The following FHIT variants were observed in gnomAD, a reference collection of about 807,000 sequenced individuals.
FHIT encodes fragile histidine triad diadenosine triphosphatase.
A neutral mutation model predicts 17.9 loss-of-function variants in FHIT; 19 were observed. That is an observed-to-expected ratio of 1.06 (90% CI 0.74 to 1.56). The LOEUF (loss-of-function observed/expected upper bound fraction) is 1.56, where lower values mean the gene tolerates loss of function less well. Ranked by LOEUF, FHIT falls within the 40% of genes most tolerant of loss-of-function variation. FHIT has a pLI of 0.00. For synonymous variants in FHIT, 81 were observed against 69.7 expected (o/e 1.16, Z -0.81); for missense variants, 248 against 189.2 (o/e 1.31, Z -1.82).
chr3:60,226,493 A>AAAAAAAAAGAAAAC (rs200934161), intron 5 of FHIT, among the ~76,000 whole-genome samples: 1 of 147,058 alleles, frequency 6.8e-6, no homozygotes, highest in African/African-American at 2.7e-5. Flanking sequence ...AAAAAAAAAA[A>AAAAAAAAAGAAAAC]ACACTGCCTG....
chr3:60,311,761 A>G (rs1708957896), intron 5 of FHIT, among the ~76,000 whole-genome samples: 1 of 152,196 alleles, frequency 6.6e-6, no homozygotes, highest in Non-Finnish European at 1.5e-5. Flanking sequence ...GGCCCTCTCA[A>G]TAAAATGACA....
At chr3:60,581,319 T>C (rs782188318) in intron 4 of FHIT, among the ~76,000 whole-genome samples, 4 of 152,122 alleles carry the variant, frequency 2.6e-5, no homozygotes, top group African/African-American at 9.7e-5. Flanking sequence ...ACAAGTAGTC[T>C]AGATGAGAGA....
intron 5 of FHIT, among the ~76,000 whole-genome samples, chr3:60,222,467 G>A (rs1704006021): frequency 6.6e-6 from 1 of 152,064 alleles, no homozygotes; most frequent in South Asian, 2.1e-4. Context: ...TTAGGTTGGT[G>A]CAAAATTAAT....
intron 9 of FHIT, chr3:59,750,674 A>G (rs1176661879): frequency 4.6e-6 from 1 of 219,494 alleles, no homozygotes; most frequent in African/African-American, 2.3e-5. Flanking sequence ...TCTGAGTACA[A>G]CACCATATTT....
intron 3 of FHIT, among the ~76,000 whole-genome samples, chr3:60,837,631 C>T (rs1453644222): frequency 6.6e-6 from 1 of 152,058 alleles, no homozygotes; most frequent in African/African-American, 2.4e-5. Context: ...TTAGAATTTA[C>T]ACTGCCATTT....
intron 6 of FHIT, among the ~76,000 whole-genome samples, chr3:60,012,658 T>C (rs1237443727): frequency 6.6e-6 from 1 of 152,138 alleles, no homozygotes; most frequent in Non-Finnish European, 1.5e-5. Flanking sequence ...TTTATCAATA[T>C]AGGCATATGC....
At chr3:60,752,953 A>G (rs2042499459) in intron 4 of FHIT, among the ~76,000 whole-genome samples, 2 of 152,202 alleles carry the variant, frequency 1.3e-5, no homozygotes, top group East Asian at 1.9e-4. Context: ...TCCCAATTAC[A>G]TTACTTTCGA....
intron 2 of FHIT, among the ~76,000 whole-genome samples, chr3:61,098,159 CTGCATA>C (rs2035701881): frequency 6.6e-6 from 1 of 152,192 alleles, no homozygotes; most frequent in Non-Finnish European, 1.5e-5. Flanking sequence ...TTTTAATCTT[CTGCATA>C]TGGCTAGCAG....
intron 5 of FHIT, among the ~76,000 whole-genome samples, chr3:60,177,653 T>G (rs1442889503): frequency 6.6e-6 from 1 of 152,206 alleles, no homozygotes; most frequent in African/African-American, 2.4e-5. Flanking sequence ...TAGTGATTTT[T>G]GAATCACCTC....
At chr3:60,028,813 T>C (rs894228869) in intron 5 of FHIT, among the ~76,000 whole-genome samples, 1 of 152,184 alleles carries the variant, frequency 6.6e-6, no homozygotes, top group South Asian at 2.1e-4. Context: ...GAATTTATGA[T>C]GCAGAAGAAA....
chr3:60,385,312 G>A (rs889415061), intron 5 of FHIT, among the ~76,000 whole-genome samples: 1 of 152,162 alleles, frequency 6.6e-6, no homozygotes, highest in Non-Finnish European at 1.5e-5. Context: ...TTTTAAAAAT[G>A]CCTTAAATCA....
chr3:59,915,796 G>A (rs1705106744), intron 8 of FHIT, among the ~76,000 whole-genome samples: 1 of 152,122 alleles, frequency 6.6e-6, no homozygotes, highest in African/African-American at 2.4e-5. Context: ...GCCAGGTGTG[G>A]TGGTATGTGC....
At chr3:59,992,472 C>T (rs1015841073) in intron 7 of FHIT, among the ~76,000 whole-genome samples, 1 of 151,996 alleles carries the variant, frequency 6.6e-6, no homozygotes, top group Admixed American at 6.6e-5. Context: ...TCCCTATTAG[C>T]GCATCTTTAG....
intron 5 of FHIT, among the ~76,000 whole-genome samples, chr3:60,391,824 T>C (rs1226290652): frequency 6.6e-6 from 1 of 152,170 alleles, no homozygotes; most frequent in African/African-American, 2.4e-5. Context: ...CATAAAAATC[T>C]GGATATTGAG....
intron 8 of FHIT, among the ~76,000 whole-genome samples, chr3:59,844,951 C>A (rs140234625): frequency 6.6e-6 from 1 of 152,140 alleles, no homozygotes; most frequent in African/African-American, 2.4e-5. Flanking sequence ...TAGGAGATTA[C>A]TGATCACTGA....
chr3:60,980,646 TG>T (rs112307400), intron 3 of FHIT, among the ~76,000 whole-genome samples: 70 of 152,196 alleles, frequency 4.6e-4, no homozygotes, highest in Middle Eastern at 3.4e-3. Flanking sequence ...CAGGAAAAGA[TG>T]GGGGAATGGG....
intron 4 of FHIT, among the ~76,000 whole-genome samples, chr3:60,799,413 A>G (rs1701106535): frequency 6.6e-6 from 1 of 152,160 alleles, no homozygotes; most frequent in African/African-American, 2.4e-5. Context: ...CCCTCAGGTA[A>G]TCCACCTGCC....
intron 4 of FHIT, among the ~76,000 whole-genome samples, chr3:60,661,693 A>G (rs372687725): frequency 5.9e-5 from 9 of 152,112 alleles, no homozygotes; most frequent in African/African-American, 2.2e-4. Flanking sequence ...GTTCCTTTTC[A>G]CCACATCCCC....
intron 2 of FHIT, among the ~76,000 whole-genome samples, chr3:61,122,924 C>A (rs1204802216): frequency 6.6e-6 from 1 of 152,174 alleles, no homozygotes; most frequent in East Asian, 1.9e-4. Context: ...ATTAGTTCAA[C>A]CATTGTGGAA....
Sources: allele counts gnomAD v4.1 joint callset (sites outside exome capture counted in the v4.1 genomes callset), GRCh38; gene constraint gnomAD v4.1.1; transcripts MANE v1.5; gene names NCBI Gene and HGNC (gene_info 2026-07-23, HGNC 2026-07-21).